GHR: variants seen among roughly 807,000 people sequenced by gnomAD.
GHR encodes growth hormone receptor, also known as GH receptor.
Under a neutral mutation model 67.1 loss-of-function variants are expected in GHR, and 35 were observed. That is an observed-to-expected ratio of 0.52 (90% CI 0.40 to 0.69). The LOEUF (loss-of-function observed/expected upper bound fraction) is 0.69, where lower values mean the gene tolerates loss of function less well. Among genes scored for constraint, GHR ranks in the 30% least tolerant of loss-of-function variants. The probability of loss-of-function intolerance (pLI) is 0.00; values close to 1 mark genes in which losing one functional copy is unlikely to be tolerated. For missense variants in GHR, 792 were observed against 764.6 expected, an observed-to-expected ratio of 1.04 and a Z score of -0.42; for synonymous variants, 272 against 269.1, an observed-to-expected ratio of 1.01 and a Z score of -0.10.
chr5:42,562,777 AG>A (rs1749688628), intron 1 of GHR, among the ~76,000 whole-genome samples: 1 of 150,082 alleles, frequency 6.7e-6, no homozygotes, highest in Non-Finnish European at 1.5e-5. Context: ...CAGCCTCCCG[AG>A]TAGCTGGGAT....
At chr5:42,507,762 G>T (rs1355519552) in intron 1 of GHR, among the ~76,000 whole-genome samples, 1 of 152,220 alleles carries the variant, frequency 6.6e-6, no homozygotes, top group African/African-American at 2.4e-5. Context: ...GAGCCATGGA[G>T]GAGGGGTCTT....
intron 1 of GHR, among the ~76,000 whole-genome samples, chr5:42,558,822 T>C (rs1749448394): frequency 6.6e-6 from 1 of 152,244 alleles, no homozygotes; most frequent in African/African-American, 2.4e-5. Context: ...GATGCATGAC[T>C]GTAATCACAT....
Position 42,629,105 on chromosome 5 carries a change from T to A in GHR, c.136+2T>A. The A allele has an allele frequency of 1.5e-6, 2 of 1,311,884 alleles. 1 individual carries two copies. The highest frequency in any genetic ancestry group is 2.1e-6 in the Non-Finnish European group (2 of 934,984). 81.3% of individuals were successfully genotyped at this position (1,311,884 alleles called of 1,614,324 possible). ...GTGTTAATCCAGGCCTAAAGACAAG[T>A]AAGAATTTCAGTCCTTTTTCTTCCT... is the stretch of plus-strand genomic sequence containing the variant. On this transcript the variant is annotated splice_donor_variant, in intron 3 of 9. Coordinates refer to ENST00000230882, the MANE Select transcript of GHR (RefSeq NM_000163.5). LOFTEE classifies it high-confidence loss of function.
Position 42,475,588 on chromosome 5 carries a change from AT to A in GHR, c.-12+51645del, listed in dbSNP as rs577019409. ...GCGCATTTTGTATTTGTAATTATGT[AT>A]TTTTTTTTTTTCTTAAAAAGGACCC... On this transcript the variant is annotated intron_variant, in intron 1 of 9. Transcript: ENST00000230882. Among the ~76,000 whole-genome samples, 418 of 145,066 alleles carry A rather than the reference AT, an allele frequency of 2.9e-3. 4 individuals are homozygous for A. Among genetic ancestry groups the A allele is most frequent in the Middle Eastern group, 0.017 (5 of 286 alleles).
chr5:42,460,057 T>G (rs1744422616), intron 1 of GHR, among the ~76,000 whole-genome samples: 2 of 152,094 alleles, frequency 1.3e-5, no homozygotes, highest in Non-Finnish European at 2.9e-5. Flanking sequence ...TAAGGATAGG[T>G]CTCCAATCCT....
At chr5:42,695,984 GAGA>G (rs1757654135) in intron 5 of GHR, among the ~76,000 whole-genome samples, 1 of 152,224 alleles carries the variant, frequency 6.6e-6, no homozygotes, top group Non-Finnish European at 1.5e-5. Flanking sequence ...GACTTTAAGG[GAGA>G]AGATTAAGAG....
At chr5:42,429,213 A>G (rs1278929801) in intron 1 of GHR, among the ~76,000 whole-genome samples, 1 of 152,236 alleles carries the variant, frequency 6.6e-6, no homozygotes, top group East Asian at 1.9e-4. Context: ...GTGGCAGACA[A>G]TAAGGCATGT....
At chr5:42,695,198 T>C in intron 5 of GHR, 109 bp downstream of exon 5, 1 of 778,204 alleles carries the variant, frequency 1.3e-6, no homozygotes, top group Non-Finnish European at 2.3e-6. Context: ...CAGTGTTCTA[T>C]AGATACATGG....
chr5:42,705,382 T>C (rs545301659), intron 6 of GHR, among the ~76,000 whole-genome samples: 1 of 152,092 alleles, frequency 6.6e-6, no homozygotes, highest in Non-Finnish European at 1.5e-5. Flanking sequence ...TGTCTCAAGA[T>C]ATTTTTGATT....
chr5:42,721,699 G>C lies in GHR; in HGVS notation c.*2275G>C, dbSNP rs1215273025. On this transcript the variant is annotated 3_prime_UTR_variant, in exon 10 of 10. Coordinates refer to ENST00000230882, the MANE Select transcript of GHR (RefSeq NM_000163.5). ...TCAATCAGTCTCAGAATGTCATTTT[G>C]GTACTTTGGTGGCCACATAAGCCAT... 6.6e-6 allele frequency: 1 copy of C among 152,562 alleles called. No individual in the cohort carries two copies. The highest frequency in any genetic ancestry group is 2.4e-5 in the African/African-American group (1 of 41,414). The allele number at this position is 152,562 out of a possible 1,614,324, so 9.5% of individuals were successfully genotyped here.
intron 2 of GHR, among the ~76,000 whole-genome samples, chr5:42,619,998 T>A (rs1236396123): frequency 1.3e-5 from 2 of 152,154 alleles, no homozygotes; most frequent in Non-Finnish European, 2.9e-5. Context: ...AAGACAAACA[T>A]GCTGCTGCAT....
chr5:42,638,003 G>T (rs903628572), intron 3 of GHR, among the ~76,000 whole-genome samples: 18 of 152,146 alleles, frequency 1.2e-4, no homozygotes, highest in Admixed American at 3.9e-4. Context: ...GCAGTGGTGC[G>T]ATTTCGGCTC....
chr5:42,586,352 G>T (rs1751474654), intron 2 of GHR, among the ~76,000 whole-genome samples: 1 of 152,144 alleles, frequency 6.6e-6, no homozygotes, highest in Non-Finnish European at 1.5e-5. Context: ...ACACTTTTCA[G>T]CTAACATGAC....
intron 3 of GHR, among the ~76,000 whole-genome samples, chr5:42,632,653 A>G (rs552470135): frequency 6.6e-6 from 1 of 152,146 alleles, no homozygotes; most frequent in Non-Finnish European, 1.5e-5. Flanking sequence ...TTTCTGGGGG[A>G]AAAAAGACCT....
chr5:42,464,107 G>A (rs183187446), intron 1 of GHR, among the ~76,000 whole-genome samples: 1 of 145,930 alleles, frequency 6.9e-6, no homozygotes, highest in East Asian at 2.0e-4. Flanking sequence ...AGTCAGAGCT[G>A]GTACTAGATG....
intron 1 of GHR, among the ~76,000 whole-genome samples, chr5:42,432,637 G>T (rs4642376): frequency 0.18 from 27,055 of 152,138 alleles, 2,649 homozygotes; most frequent in Middle Eastern, 0.28. Context: ...AAAGACCGTG[G>T]AGATAGAGCC....
At chr5:42,448,341 A>G (rs1055735576) in intron 1 of GHR, among the ~76,000 whole-genome samples, 26 of 151,988 alleles carry the variant, frequency 1.7e-4, no homozygotes, top group African/African-American at 6.0e-4. Context: ...TTTCCTGATA[A>G]TTAGTGATGT....
chr5:42,694,689 C>T (rs997386171), intron 4 of GHR, among the ~76,000 whole-genome samples: 1 of 152,134 alleles, frequency 6.6e-6, no homozygotes, highest in African/African-American at 2.4e-5. Flanking sequence ...ATTCAATAAA[C>T]GGAAGTTTTA....
rs532092793 is a variant in GHR at position 42,582,267 on chromosome 5, G to A, written c.70+16323G>A. ...CTCCACCTTCAAGCCAGGGATGGCC[G>A]GAAGCCTTGTGGCTGAGCTATCAGT... is the stretch of plus-strand genomic sequence containing the variant. On this transcript the variant is annotated intron_variant, in intron 2 of 9. Transcript: ENST00000230882. Among the ~76,000 whole-genome samples, 249 of 152,372 alleles carry A rather than the reference G, an allele frequency of 1.6e-3. 2 individuals are homozygous for A. The highest frequency in any genetic ancestry group is 5.1e-3 in the African/African-American group (214 of 41,596).
Sources: gnomAD v4.1 joint callset for allele counts (sites outside exome capture counted in the v4.1 genomes callset) on GRCh38, gnomAD v4.1.1 for gene constraint, MANE v1.5 for transcripts, NCBI Gene and HGNC (gene_info 2026-07-23, HGNC 2026-07-21) for gene names.